POFUT2: variants seen among roughly 807,000 people sequenced by gnomAD.
POFUT2 encodes GDP-fucose protein O-fucosyltransferase 2.
Under a neutral mutation model 55.0 loss-of-function variants are expected in POFUT2, and 30 were observed. That is an observed-to-expected ratio of 0.55 (90% CI 0.41 to 0.74). The LOEUF is 0.74. Among genes scored for constraint, POFUT2 ranks in the 30% least tolerant of loss-of-function variants. The pLI, the probability that POFUT2 is intolerant of heterozygous loss-of-function variation, is 0.00. For missense variants in POFUT2, 524 were observed against 562.6 expected (o/e 0.93, Z 0.69); for synonymous variants, 267 against 231.1 (o/e 1.16, Z -1.41).
rs1173401943 is a variant in POFUT2, at chr21:45,264,689, T to G, written c.*793A>C. ...GAGGGCGGGGCAGTCGGGGTGAGGG[T>G]GGGGCGGGGCAGTCGGGGCGAGGGA... On this transcript the variant is annotated 3_prime_UTR_variant, in exon 9 of 9. Coordinates refer to ENST00000349485, the MANE Select transcript of POFUT2 (RefSeq NM_133635.6). 10 of 6,074 alleles carry G rather than the reference T, an allele frequency of 1.6e-3. No individual in the cohort carries two copies. Among genetic ancestry groups the G allele is most frequent in the African/African-American group, 5.7e-3 (8 of 1,396 alleles). 0.4% of individuals were successfully genotyped at this position (6,074 alleles called of 1,614,324 possible).
intron 7 of POFUT2, among the ~76,000 whole-genome samples, chr21:45,268,395 C>T (rs868760641): frequency 4.6e-5 from 7 of 151,944 alleles, no homozygotes; most frequent in African/African-American, 1.2e-4. Context: ...AGCCTCTGCC[C>T]GGCCGCCACC....
At chr21:45,266,090 G>C in intron 8 of POFUT2, 1 of 1,322,676 alleles carries the variant, frequency 7.6e-7, no homozygotes, top group Non-Finnish European at 1.0e-6. Context: ...GGAGGTCAAG[G>C]CCCCCTCCAC....
At position 45,267,390 on chromosome 21, in the gene POFUT2, G is replaced by A. The variant is rs1444397599; in HGVS notation, c.1136+200C>T. 6.3e-7 allele frequency: 1 copy of A among 1,597,590 alleles called. No individual in the cohort carries two copies. Among genetic ancestry groups the A allele is most frequent in the East Asian group, 2.2e-5 (1 of 44,636 alleles). On this transcript the variant is annotated intron_variant, in intron 8 of 8. Transcript: ENST00000349485. This position sits in a 1 kb window ranked among gnomAD's most constrained non-coding sequence, Gnocchi z 4.4. The stretch of plus-strand genomic sequence containing the variant: ...AGGAATTCTGTGCATGAGAACTAAA[G>A]GGGCAAGATGAACAATTAACTTCAG...
In POFUT2 at chr21:45,267,628, G is replaced by A. The variant is rs199858820; in HGVS notation, c.1098C>T (p.Gly366=). ...WEELELYKDG[G]VAIIDQWICA... ...AGATCCACTGGTCAATAATCGCAAC[G>A]CCTCCGTCCTTGTAGAGCTCCAGCT... The change falls in exon 8 of 9, where the codon GGC becomes GGT. Residue 366 remains glycine (G), a synonymous_variant. Coordinates refer to ENST00000349485, the MANE Select transcript of POFUT2 (RefSeq NM_133635.6). The surrounding 1 kb of genome is among the most constrained non-coding windows in gnomAD (Gnocchi z 4.4). The A allele has an allele frequency of 1.6e-5, 26 of 1,614,182 alleles. No individual in the cohort carries two copies. The highest frequency in any genetic ancestry group is 1.6e-4 in the Middle Eastern group (1 of 6,062).
At position 45,287,714 on chromosome 21, in the gene POFUT2, G is replaced by A. The variant is rs544189037; in HGVS notation, c.131+27C>T. ...GACCCTGCCCGGTCCTGGAACCCCA[G>A]CGTTGGCACCGTGGACGCGCGTTTA... On this transcript the variant is annotated intron_variant, in intron 1 of 8. Transcript: ENST00000349485. 4.2e-5 allele frequency: 49 copies of A among 1,154,690 alleles called. No individual in the cohort carries two copies. In the African/African-American group the frequency reaches 7.8e-4, roughly 18 times the overall value. The allele number at this position is 1,154,690 out of a possible 1,614,324, so 71.5% of individuals were successfully genotyped here.
intron 1 of POFUT2, among the ~76,000 whole-genome samples, chr21:45,286,449 C>T (rs1245910211): frequency 4.6e-5 from 7 of 152,212 alleles, no homozygotes; most frequent in African/African-American, 1.7e-4. Context: ...TTGCAAATCT[C>T]TTTTGGGTTT....
At position 45,282,260 on chromosome 21, in the gene POFUT2, G is replaced by A. The variant is rs545659490; in HGVS notation, c.638+89C>T. On this transcript the variant is annotated intron_variant, in intron 4 of 8. Coordinates refer to ENST00000349485, the MANE Select transcript of POFUT2 (RefSeq NM_133635.6). This position sits in a 1 kb window ranked among gnomAD's most constrained non-coding sequence, Gnocchi z 4.6. Reference sequence around the variant, plus strand: ...TGTGAGGTGGGTGGGCCAGGGATGCGGGAGTATGGGCGGAGAGCCCCCAGC... The same window carrying A: ...TGTGAGGTGGGTGGGCCAGGGATGCAGGAGTATGGGCGGAGAGCCCCCAGC... 2.6e-5 allele frequency: 22 copies of A among 858,520 alleles called. No homozygotes were observed. Among genetic ancestry groups the A allele is most frequent in the African/African-American group, 6.7e-5 (4 of 59,508 alleles). The allele number at this position is 858,520 out of a possible 1,614,324, so 53.2% of individuals were successfully genotyped here.
At chr21:45,268,705 C>T (rs2093182808) in intron 7 of POFUT2, among the ~76,000 whole-genome samples, 2 of 150,210 alleles carry the variant, frequency 1.3e-5, no homozygotes, top group South Asian at 4.2e-4. Context: ...AGCGTCTCTG[C>T]CCGGCCGCCC....
At chr21:45,278,475 C>T (rs1277120012) in intron 4 of POFUT2, among the ~76,000 whole-genome samples, 2 of 152,190 alleles carry the variant, frequency 1.3e-5, no homozygotes, top group Non-Finnish European at 2.9e-5. Flanking sequence ...ATCCAGGATC[C>T]ACCGACGGCT....
Position 45,265,519 on chromosome 21 carries a change from G to A in POFUT2, c.1253C>T (p.Ala418Val), listed in dbSNP as rs754173879. 1.2e-5 allele frequency: 19 copies of A among 1,613,830 alleles called. No individual in the cohort carries two copies. The highest frequency in any genetic ancestry group is 6.7e-5 in the African/African-American group (5 of 74,932). ...CTTCCAGTGGGTGGGTTGCTCACACGCCTTCTCTTGGTCTCCGCAGAACCT... is the reference window on the plus strand; with the variant it reads ...CTTCCAGTGGGTGGGTTGCTCACACACCTTCTCTTGGTCTCCGCAGAACCT... ...YNRFCGDQEK[A>V]CEQPTHWKIT... The change falls in exon 9 of 9, where the codon GCG becomes GTG. Residue 418 changes from alanine (A) to valine (V), a missense_variant. Around this residue, in one of 2 missense-constraint regions of POFUT2, gnomAD observed 250 missense variants for 318.2 expected, o/e 0.79. Transcript: ENST00000349485. The surrounding 1 kb of genome is among the most constrained non-coding windows in gnomAD (Gnocchi z 4.6).
chr21:45,283,637 C>T, intron 2 of POFUT2, 110 bp from the exon 3 acceptor site: 1 of 1,125,090 alleles, frequency 8.9e-7, no homozygotes, highest in Admixed American at 1.9e-5. Context: ...CACCCTATTC[C>T]CAAAGGGAGT....
rs1225665160 is a variant in POFUT2 at position 45,281,670 on chromosome 21, G to A, written c.638+679C>T. On this transcript the variant is annotated intron_variant, in intron 4 of 8. Coordinates refer to ENST00000349485, the MANE Select transcript of POFUT2 (RefSeq NM_133635.6). This position sits in a 1 kb window ranked among gnomAD's most constrained non-coding sequence, Gnocchi z 5.0. ...AGCCTCAACGTGGGCAAGTGCGAGG[G>A]GCACCCGTGCCCTGCTATGCCTGGT... is the stretch of plus-strand genomic sequence containing the variant. Among the ~76,000 whole-genome samples the A allele has an allele frequency of 6.6e-6, 1 of 152,016 alleles. No individual in the cohort carries two copies. The highest frequency in any genetic ancestry group is 1.5e-5 in the Non-Finnish European group (1 of 68,006).
At position 45,280,819 on chromosome 21, in the gene POFUT2, G is replaced by A. The variant is rs561262359; in HGVS notation, c.638+1530C>T. On this transcript the variant is annotated intron_variant, in intron 4 of 8. Coordinates refer to ENST00000349485, the MANE Select transcript of POFUT2 (RefSeq NM_133635.6). ...GGACTCGCCTCACCCCAGGCTGCCC[G>A]TCCCTCACTCGCTGAGTTTCGTCTC... Among the ~76,000 whole-genome samples, 39 of 151,886 alleles carry A rather than the reference G, an allele frequency of 2.6e-4. 1 individual carries two copies. The highest frequency in any genetic ancestry group is 1.8e-3 in the Admixed American group (28 of 15,252).
rs1404415493 is a variant in POFUT2 at position 45,284,590 on chromosome 21, C to T, written c.383-1063G>A. On this transcript the variant is annotated intron_variant, in intron 2 of 8. Coordinates refer to ENST00000349485, the MANE Select transcript of POFUT2 (RefSeq NM_133635.6). The surrounding 1 kb of genome is among the most constrained non-coding windows in gnomAD (Gnocchi z 5.8). Reference sequence around the variant, plus strand: ...GCTCATTACACAGCATCTGTCTTCCCAGACCTTCCCAAGCACTTGGATGCC... The same window carrying T: ...GCTCATTACACAGCATCTGTCTTCCTAGACCTTCCCAAGCACTTGGATGCC... Among the ~76,000 whole-genome samples, 2 of 152,210 alleles carry T rather than the reference C, an allele frequency of 1.3e-5. No individual in the cohort carries two copies. Among genetic ancestry groups the T allele is most frequent in the African/African-American group, 4.8e-5 (2 of 41,446 alleles).
At chr21:45,279,254 C>T (rs529520554) in intron 4 of POFUT2, among the ~76,000 whole-genome samples, 48 of 152,032 alleles carry the variant, frequency 3.2e-4, no homozygotes, top group African/African-American at 1.0e-3. Flanking sequence ...TAGCCGGGCG[C>T]GGTGGTGCAT....
At chr21:45,280,169 C>T (rs533580420) in intron 4 of POFUT2, among the ~76,000 whole-genome samples, 1 of 152,324 alleles carries the variant, frequency 6.6e-6, no homozygotes, top group Non-Finnish European at 1.5e-5. Flanking sequence ...AGGAAGAAAG[C>T]GCTTCACACA....
intron 6 of POFUT2, among the ~76,000 whole-genome samples, chr21:45,275,779 TG>T (rs1361813931): frequency 3.3e-5 from 5 of 151,990 alleles, no homozygotes; most frequent in African/African-American, 1.2e-4. Context: ...GACTACACAT[TG>T]GGGACAGTGT....
Position 45,285,361 on chromosome 21 carries a change from C to T in POFUT2, c.382+317G>A, listed in dbSNP as rs1163619517. 10 of 388,056 alleles carry T rather than the reference C, an allele frequency of 2.6e-5. No homozygotes were observed. The highest frequency in any genetic ancestry group is 4.5e-5 in the South Asian group (2 of 44,858). The allele number at this position is 388,056 out of a possible 1,614,324, so 24.0% of individuals were successfully genotyped here. On this transcript the variant is annotated intron_variant, in intron 2 of 8. Coordinates refer to ENST00000349485, the MANE Select transcript of POFUT2 (RefSeq NM_133635.6). This position sits in a 1 kb window ranked among gnomAD's most constrained non-coding sequence, Gnocchi z 4.9. ...TAAAACAGCCTTTCGCACAGGGAGC[C>T]GAGTCCTGTCACTATAACACCCAGG...
At chr21:45,276,172 G>A (rs897865693) in intron 6 of POFUT2, among the ~76,000 whole-genome samples, 1 of 151,862 alleles carries the variant, frequency 6.6e-6, no homozygotes, top group African/African-American at 2.4e-5. Flanking sequence ...CTGGGCGACA[G>A]AGTGAGACTC....
Sources: allele counts gnomAD v4.1 joint callset (sites outside exome capture counted in the v4.1 genomes callset), GRCh38; gene constraint gnomAD v4.1.1; regional missense constraint gnomAD v4.1.1; non-coding constraint Gnocchi (gnomAD v3.1); transcripts MANE v1.5; gene names NCBI Gene and HGNC (gene_info 2026-07-23, HGNC 2026-07-21).